SAMD5: variants seen among roughly 807,000 people sequenced by gnomAD.
SAMD5 encodes sterile alpha motif domain-containing protein 5.
A neutral mutation model predicts 11.3 loss-of-function variants in SAMD5; 13 were observed. The ratio of observed to expected loss-of-function variants is 1.15; its 90% CI spans 0.75 to 1.83. The LOEUF is 1.83. Ranked by LOEUF, SAMD5 falls within the 40% of genes most tolerant of loss-of-function variation. The probability of loss-of-function intolerance (pLI) is 0.00; values close to 1 mark genes in which losing one functional copy is unlikely to be tolerated. For synonymous variants in SAMD5, 129 were observed against 111.3 expected (o/e 1.16, Z -1.00); for missense variants, 255 against 239.1 (o/e 1.07, Z -0.44).
At chr6:147,856,792 TGGCTTAATGA>T in the SAMD5 span, among the ~76,000 whole-genome samples, 1 of 135,122 alleles carries the variant, frequency 7.4e-6, no homozygotes, top group African/African-American at 2.8e-5. Context: ...TCCACCCACG[TGGCTTAATGA>T]CTTAGTTTTC....
the SAMD5 span, among the ~76,000 whole-genome samples, chr6:147,801,434 G>A: frequency 2.2e-3 from 328 of 152,190 alleles, 2 homozygotes; most frequent in African/African-American, 7.2e-3. Context: ...CCCTGTATTA[G>A]AATGACAGAG....
At position 147,567,325 on chromosome 6, in the gene SAMD5, G is replaced by A. The variant is rs1789057371; in HGVS notation, c.*2869G>A. 10 of 985,298 alleles carry A rather than the reference G, an allele frequency of 1.0e-5. No homozygotes were observed. The highest frequency in any genetic ancestry group is 7.0e-5 in the African/African-American group (4 of 57,342). 61.0% of individuals were successfully genotyped at this position (985,298 alleles called of 1,614,324 possible). On this transcript the variant is annotated 3_prime_UTR_variant, in exon 2 of 2. Transcript: ENST00000367474. Reference sequence around the variant, plus strand: ...ATTTCTCAGTTCAGAGATATTTATAGCATCTTGGTGTTATGCAATAAACAA... The same window carrying A: ...ATTTCTCAGTTCAGAGATATTTATAACATCTTGGTGTTATGCAATAAACAA...
At chr6:147,856,300 G>A in the SAMD5 span, among the ~76,000 whole-genome samples, 1 of 152,114 alleles carries the variant, frequency 6.6e-6, no homozygotes, top group Non-Finnish European at 1.5e-5. Flanking sequence ...AGATGGGAAT[G>A]GGCAGGAGGG....
intron 1 of SAMD5, among the ~76,000 whole-genome samples, chr6:147,629,788 T>C (rs1562337695): frequency 6.6e-6 from 1 of 152,184 alleles, no homozygotes. Flanking sequence ...GTGTCAAGAA[T>C]ATCCTGTTGT....
the SAMD5 span, among the ~76,000 whole-genome samples, chr6:147,819,282 C>G: frequency 2.6e-5 from 4 of 152,178 alleles, no homozygotes; most frequent in Non-Finnish European, 4.4e-5. Flanking sequence ...ATGATGAGAA[C>G]ACATGGACAC....
chr6:147,642,210 A>C (rs539613450), intron 1 of SAMD5, among the ~76,000 whole-genome samples: 1 of 152,386 alleles, frequency 6.6e-6, no homozygotes, highest in African/African-American at 2.4e-5. Flanking sequence ...TGTTTTAAGA[A>C]GTCCATTTCC....
At chr6:147,731,802 G>T (rs918305619) in intron 1 of SAMD5, among the ~76,000 whole-genome samples, 104 of 145,092 alleles carry the variant, frequency 7.2e-4, no homozygotes, top group African/African-American at 2.4e-3. Flanking sequence ...AGAGTGGCTT[G>T]TCATTCATTC....
At chr6:147,641,726 C>T (rs1790315094) in intron 1 of SAMD5, among the ~76,000 whole-genome samples, 1 of 152,192 alleles carries the variant, frequency 6.6e-6, no homozygotes, top group Non-Finnish European at 1.5e-5. Flanking sequence ...GGTCTCAAAA[C>T]TCCGCTGTGC....
chr6:147,791,835 C>G, the SAMD5 span, among the ~76,000 whole-genome samples: 1 of 151,972 alleles, frequency 6.6e-6, no homozygotes, highest in Non-Finnish European at 1.5e-5. Flanking sequence ...GAAGCCAGTC[C>G]GAGAAGGCTG....
At position 147,723,584 on chromosome 6, in the gene SAMD5, A is replaced by G. The variant is rs1221853934; in HGVS notation, c.163-13733A>G. Among the ~76,000 whole-genome samples the G allele has an allele frequency of 2.0e-5, 3 of 152,120 alleles. No homozygotes were observed. The East Asian group carries it at 5.8e-4, about 29-fold the overall frequency. On this transcript the variant is annotated intron_variant, in intron 1 of 1. Transcript: ENST00000566741. ...CTGGCCCTCAATCTTGTTCATAATC[A>G]TGCAGTAGAGAGTTGCAGGTGTGTG...
At chr6:147,909,579 T>C in the SAMD5 span, among the ~76,000 whole-genome samples, 403 of 61,466 alleles carry the variant, frequency 6.6e-3, 3 homozygotes, top group African/African-American at 0.038. Context: ...TTTCTTTCTT[T>C]CTTTCTTTCT....
chr6:147,559,651 G>A (rs919467896), intron 1 of SAMD5, among the ~76,000 whole-genome samples: 73 of 152,286 alleles, frequency 4.8e-4, no homozygotes, highest in African/African-American at 1.7e-3. Context: ...AGGACAGTGA[G>A]AAGAGTTTAT....
At chr6:147,841,817 C>T in the SAMD5 span, among the ~76,000 whole-genome samples, 1 of 152,078 alleles carries the variant, frequency 6.6e-6, no homozygotes, top group Non-Finnish European at 1.5e-5. Context: ...GGAAAAGCAC[C>T]TCAGTAGGCA....
At chr6:147,665,739 A>G (rs1270549269) in intron 1 of SAMD5, among the ~76,000 whole-genome samples, 1 of 152,196 alleles carries the variant, frequency 6.6e-6, no homozygotes, top group Non-Finnish European at 1.5e-5. Flanking sequence ...AATGAAGGAG[A>G]TGTCTCTGGG....
the SAMD5 span, among the ~76,000 whole-genome samples, chr6:147,809,051 G>A: frequency 6.6e-6 from 1 of 152,084 alleles, no homozygotes; most frequent in African/African-American, 2.4e-5. Flanking sequence ...TGAGTTATGG[G>A]AAAAAATAGA....
At chr6:147,782,146 A>T in the SAMD5 span, among the ~76,000 whole-genome samples, 1 of 151,996 alleles carries the variant, frequency 6.6e-6, no homozygotes. Context: ...AAAAAAAAAA[A>T]AACTAAAAAG....
chr6:147,917,559 T>A, the SAMD5 span, among the ~76,000 whole-genome samples: 2 of 152,228 alleles, frequency 1.3e-5, no homozygotes, highest in Non-Finnish European at 2.9e-5. Flanking sequence ...CTCTTTAGTT[T>A]AATTAGATCC....
At chr6:147,838,898 A>G in the SAMD5 span, among the ~76,000 whole-genome samples, 1 of 152,232 alleles carries the variant, frequency 6.6e-6, no homozygotes, top group African/African-American at 2.4e-5. Flanking sequence ...GGCCTGAAGC[A>G]TGTGCAACAA....
intron 1 of SAMD5, among the ~76,000 whole-genome samples, chr6:147,579,303 A>G (rs983505956): frequency 6.6e-6 from 1 of 152,202 alleles, no homozygotes; most frequent in Non-Finnish European, 1.5e-5. Context: ...GAACAGTCTT[A>G]AAAGATTGGT....
Sources: gnomAD v4.1 joint callset for allele counts (sites outside exome capture counted in the v4.1 genomes callset) on GRCh38, gnomAD v4.1.1 for gene constraint, MANE v1.5 for transcripts, NCBI Gene and HGNC (gene_info 2026-07-23, HGNC 2026-07-21) for gene names.